Variants in HSDL2 observed in about 807,000 individuals in gnomAD.
The protein encoded by HSDL2 is hydroxysteroid dehydrogenase like 2.
HSDL2 carries 27 observed loss-of-function variants against 46.3 expected under a neutral mutation model. The ratio of observed to expected loss-of-function variants is 0.58; its 90% CI spans 0.43 to 0.80. The LOEUF is 0.80. HSDL2 is among the 30% of genes least tolerant of loss of function. HSDL2 has a pLI of 0.00. For missense variants in HSDL2, 451 were observed against 502.7 expected, an observed-to-expected ratio of 0.90 and a Z score of 0.98; for synonymous variants, 153 against 163.6, an observed-to-expected ratio of 0.94 and a Z score of 0.50.
At chr9:112,434,504 T>A (rs745595947) in intron 6 of HSDL2, among the ~76,000 whole-genome samples, 6 of 152,240 alleles carry the variant, frequency 3.9e-5, no homozygotes, top group Non-Finnish European at 8.8e-5. Context: ...GACATGCCCA[T>A]GCTTTATATT....
chr9:112,441,854 C>A, intron 8 of HSDL2, 84 bp downstream of exon 8: 3 of 850,432 alleles, frequency 3.5e-6, no homozygotes, highest in Non-Finnish European at 5.7e-6. Context: ...GATCCTATAA[C>A]AGTGACATTT....
chr9:112,447,601 G>A (rs1390389153), intron 8 of HSDL2, among the ~76,000 whole-genome samples: 1 of 152,164 alleles, frequency 6.6e-6, no homozygotes, highest in Non-Finnish European at 1.5e-5. Context: ...GGAAGCCTGT[G>A]TCATTGCTGC....
In HSDL2 at chr9:112,470,332, T is replaced by C. The variant is rs1587977248; in HGVS notation, c.1145-100T>C. On this transcript the variant is annotated intron_variant, in intron 10 of 10. Transcript: ENST00000398805. ...GAAATTTCTATGCTTCTGAGGTTTA[T>C]AGAACTCAAGGAGATTCTTTTTACA... 7 of 655,956 alleles carry C rather than the reference T, an allele frequency of 1.1e-5. No individual in the cohort carries two copies. The East Asian group carries it at 1.4e-4, about 13-fold the overall frequency. 40.6% of individuals were successfully genotyped at this position (655,956 alleles called of 1,614,324 possible).
In HSDL2 at chr9:112,436,960, C is replaced by CTTTTTTTTTTTT. The variant is rs780957603; in HGVS notation, c.599-1465_599-1454dup. On this transcript the variant is annotated intron_variant, in intron 6 of 10. Transcript: ENST00000398805. ...TTACTTCTCTTTCTTTTCTTTTTTT[C>CTTTTTTTTTTTT]TTTTTTTTTTTTTTTTTGAGACGGA... is the stretch of plus-strand genomic sequence containing the variant. Among the ~76,000 whole-genome samples, 118 of 126,762 alleles carry CTTTTTTTTTTTT rather than the reference C, an allele frequency of 9.3e-4. 1 individual carries two copies. The highest frequency in any genetic ancestry group is 4.3e-3 in the Middle Eastern group (1 of 230). The allele number at this position is 126,762 out of a possible 152,430, so 83.2% of individuals were successfully genotyped here. A position where few individuals can be genotyped will look rare whatever the true frequency, so the allele number is the denominator to read the frequency against.
At chr9:112,417,522 T>C (rs1008979059) in intron 5 of HSDL2, among the ~76,000 whole-genome samples, 1 of 149,650 alleles carries the variant, frequency 6.7e-6, no homozygotes, top group Non-Finnish European at 1.5e-5. Flanking sequence ...TTACCTTTCA[T>C]AGCAAACTAA....
intron 1 of HSDL2, among the ~76,000 whole-genome samples, chr9:112,399,345 G>A (rs934999970): frequency 2.0e-5 from 3 of 152,292 alleles, no homozygotes; most frequent in East Asian, 1.9e-4. Flanking sequence ...AGGGCAAAAA[G>A]CAGAACTACT....
chr9:112,451,662 GT>G (rs893962256), intron 8 of HSDL2, among the ~76,000 whole-genome samples: 4 of 151,646 alleles, frequency 2.6e-5, no homozygotes, highest in Non-Finnish European at 4.4e-5. Flanking sequence ...ATACTAGTCA[GT>G]TTTCTTTTAA....
chr9:112,408,863 T>G, intron 3 of HSDL2, 44 bp from the exon 4 acceptor site: 1 of 1,072,060 alleles, frequency 9.3e-7, no homozygotes. Context: ...TTGTGTGTGA[T>G]AAAAAGTCTT....
intron 6 of HSDL2, among the ~76,000 whole-genome samples, chr9:112,431,327 T>C (rs1832392086): frequency 6.6e-6 from 1 of 152,100 alleles, no homozygotes; most frequent in African/African-American, 2.4e-5. Flanking sequence ...GCCACAAAAC[T>C]ACATGATACC....
chr9:112,426,824 T>C (rs1832257125), intron 6 of HSDL2, among the ~76,000 whole-genome samples: 1 of 152,200 alleles, frequency 6.6e-6, no homozygotes, highest in Non-Finnish European at 1.5e-5. Flanking sequence ...GTATTATAAA[T>C]AACCTCTAAA....
Position 112,429,752 on chromosome 9 carries a change from C to A in HSDL2, c.599-8679C>A, listed in dbSNP as rs115686351. Among the ~76,000 whole-genome samples, 1,129 of 152,234 alleles carry A rather than the reference C, an allele frequency of 7.4e-3. 17 individuals carry two copies. The highest frequency in any genetic ancestry group is 0.026 in the African/African-American group (1,068 of 41,540). ...AGAACAAAGGAAGGGGGATTGGAGT[C>A]TCAGCCATTGAGGAAGGAAGGTGGC... On this transcript the variant is annotated intron_variant, in intron 6 of 10. Coordinates refer to ENST00000398805, the MANE Select transcript of HSDL2 (RefSeq NM_032303.5).
chr9:112,402,335 T>C (rs1831620944), intron 1 of HSDL2, among the ~76,000 whole-genome samples: 1 of 152,050 alleles, frequency 6.6e-6, no homozygotes. Context: ...GGTGGGAGGA[T>C]CACATAAGGC....
intron 4 of HSDL2, among the ~76,000 whole-genome samples, chr9:112,415,847 TAGG>T (rs1028335003): frequency 6.6e-6 from 1 of 152,162 alleles, no homozygotes; most frequent in African/African-American, 2.4e-5. Context: ...AGTTACTCTG[TAGG>T]AGTAGTTTAA....
At chr9:112,439,496 GGAT>G in intron 7 of HSDL2, among the ~76,000 whole-genome samples, 1 of 151,800 alleles carries the variant, frequency 6.6e-6, no homozygotes, top group East Asian at 1.9e-4. Flanking sequence ...CTGAAATTGG[GGAT>G]GATAATGATA....
chr9:112,459,964 T>A (rs373782397), intron 10 of HSDL2, among the ~76,000 whole-genome samples: 1 of 152,196 alleles, frequency 6.6e-6, no homozygotes, highest in Non-Finnish European at 1.5e-5. Context: ...TGTGCTTCCA[T>A]CTTGCCAGCT....
intron 6 of HSDL2, among the ~76,000 whole-genome samples, chr9:112,427,510 G>C (rs145796789): frequency 2.0e-5 from 3 of 152,306 alleles, no homozygotes; most frequent in Non-Finnish European, 4.4e-5. Flanking sequence ...TCTAGTCAGT[G>C]TTCAAATTCC....
At chr9:112,388,576 C>T (rs1284674083) in intron 1 of HSDL2, among the ~76,000 whole-genome samples, 6 of 149,600 alleles carry the variant, frequency 4.0e-5, no homozygotes, top group African/African-American at 4.9e-5. Flanking sequence ...ATGGTGAAAC[C>T]CTGTCACTGC....
At chr9:112,428,990 C>T (rs1186271738) in intron 6 of HSDL2, among the ~76,000 whole-genome samples, 1 of 152,186 alleles carries the variant, frequency 6.6e-6, no homozygotes, top group Non-Finnish European at 1.5e-5. Flanking sequence ...CCTCTGCCTC[C>T]CAGGTTCAAG....
chr9:112,434,774 C>G (rs1359326912), intron 6 of HSDL2, among the ~76,000 whole-genome samples: 1 of 152,144 alleles, frequency 6.6e-6, no homozygotes, highest in African/African-American at 2.4e-5. Flanking sequence ...ATACACACTT[C>G]ATATGTTTAT....
Sources: allele counts gnomAD v4.1 joint callset (sites outside exome capture counted in the v4.1 genomes callset), GRCh38; gene constraint gnomAD v4.1.1; transcripts MANE v1.5; gene names NCBI Gene and HGNC (gene_info 2026-07-23, HGNC 2026-07-21).